The following TRIM66 variants were observed in gnomAD, a reference collection of about 807,000 sequenced individuals.
TRIM66 encodes the protein tripartite motif containing 66.
A neutral mutation model predicts 148.2 loss-of-function variants in TRIM66; 99 were observed. The observed-to-expected ratio is 0.67, with a 90% CI of 0.57 to 0.79. The LOEUF (loss-of-function observed/expected upper bound fraction) is 0.79. Among genes scored for constraint, TRIM66 ranks in the 30% least tolerant of loss-of-function variants. The pLI is 0.00. For synonymous variants in TRIM66, 616 were observed against 635.9 expected (o/e 0.97, Z 0.47); for missense variants, 1,666 against 1,697.9 (o/e 0.98, Z 0.33).
intron 3 of TRIM66, among the ~76,000 whole-genome samples, chr11:8,675,671 C>G (rs181419662): frequency 2.6e-5 from 4 of 152,252 alleles, no homozygotes; most frequent in Admixed American, 1.3e-4. Context: ...CATGAGCCAT[C>G]GCACCCGGCC....
At chr11:8,668,949 A>C (rs1470268181) in intron 6 of TRIM66, among the ~76,000 whole-genome samples, 1 of 152,252 alleles carries the variant, frequency 6.6e-6, no homozygotes, top group African/African-American at 2.4e-5. Flanking sequence ...CCAGCCTTTG[A>C]AGTTACACAG....
intron 6 of TRIM66, 190 bp downstream of exon 6, chr11:8,671,596 C>A: frequency 1.8e-6 from 1 of 569,642 alleles, no homozygotes; most frequent in Non-Finnish European, 3.1e-6. Flanking sequence ...TTCCAGCTTA[C>A]AAAACAGATA....
intron 10 of TRIM66, among the ~76,000 whole-genome samples, chr11:8,647,744 G>T (rs901909393): frequency 1.3e-5 from 2 of 152,114 alleles, no homozygotes; most frequent in Non-Finnish European, 2.9e-5. Flanking sequence ...GACTCACTCT[G>T]ATCATCCTGA....
At chr11:8,634,905 G>C (rs912906195) in intron 15 of TRIM66, among the ~76,000 whole-genome samples, 1 of 152,222 alleles carries the variant, frequency 6.6e-6, no homozygotes, top group Non-Finnish European at 1.5e-5. Flanking sequence ...ATGACCTTCA[G>C]ATAGATTCTT....
In TRIM66 at chr11:8,612,450, C is replaced by A. The variant is rs1388418662; in HGVS notation, c.*5494G>T. On this transcript the variant is annotated 3_prime_UTR_variant, in exon 25 of 25. Coordinates refer to ENST00000646038, the MANE Select transcript of TRIM66 (RefSeq NM_001388022.1). ...ATCACTGTTCTCAGCCATTCTCCCACCACAACTTTATAGATGAGGAAACTG... is the reference window on the plus strand; with the variant it reads ...ATCACTGTTCTCAGCCATTCTCCCAACACAACTTTATAGATGAGGAAACTG... 6.6e-6 allele frequency: 1 copy of A among 152,200 alleles called. No homozygotes were observed. Among genetic ancestry groups the A allele is most frequent in the Non-Finnish European group, 1.5e-5 (1 of 68,048 alleles). 9.4% of individuals were successfully genotyped at this position (152,200 alleles called of 1,614,324 possible).
chr11:8,627,820 A>G (rs2034998483), intron 15 of TRIM66, among the ~76,000 whole-genome samples: 1 of 152,108 alleles, frequency 6.6e-6, no homozygotes, highest in African/African-American at 2.4e-5. Context: ...ATCCATGAAT[A>G]GTAAGTTTTT....
At position 8,621,818 on chromosome 11, in the gene TRIM66, C is replaced by T. The variant is rs771420880; in HGVS notation, c.3082G>A (p.Ala1028Thr). The T allele has an allele frequency of 4.5e-6, 7 of 1,539,770 alleles. No individual in the cohort carries two copies. Among genetic ancestry groups the T allele is most frequent in the Non-Finnish European group, 8.8e-7 (1 of 1,142,630 alleles). ...GGAATCTTATGCTCACTATTGAAGG[C>T]TCTGCAGCAAGACAGACACCCCGGG... Reference protein sequence around the residue: ...LDAKENQSIRAFNSEHKIPYV... With the variant: ...LDAKENQSIRTFNSEHKIPYV... Residue 1028 changes from alanine (A) to threonine (T), a missense_variant and splice_region_variant, in exon 19 of 25, where the codon GCC becomes ACC. Ala to Thr is a moderately conservative substitution (Grantham distance 58). Transcript: ENST00000646038.
At chr11:8,683,219 G>T, upstream of TRIM66, 1 of 1,614,262 alleles carries the variant, frequency 6.2e-7, no homozygotes. Flanking sequence ...GACTGAGGAA[G>T]ACCCGGAAAC....
Position 8,616,469 on chromosome 11 carries a change from G to A in TRIM66, c.*1475C>T, listed in dbSNP as rs911477931. ...GAGAGCTGTCTCAGTCCTGGCCACTGACATGTCAGGTTCATAGCTCCCCCA... is the reference window on the plus strand; with the variant it reads ...GAGAGCTGTCTCAGTCCTGGCCACTAACATGTCAGGTTCATAGCTCCCCCA... On this transcript the variant is annotated 3_prime_UTR_variant, in exon 25 of 25. Transcript: ENST00000646038. The A allele has an allele frequency of 8.5e-5, 13 of 152,208 alleles. No homozygotes were observed. Among genetic ancestry groups the A allele is most frequent in the African/African-American group, 2.9e-4 (12 of 41,436 alleles). The allele number at this position is 152,208 out of a possible 1,614,324, so 9.4% of individuals were successfully genotyped here.
chr11:8,628,612 CAAAAAAAA>C (rs750649249), intron 15 of TRIM66, among the ~76,000 whole-genome samples: 2 of 80,666 alleles, frequency 2.5e-5, no homozygotes, highest in South Asian at 9.9e-4. Context: ...GACCCTGTCT[CAAAAAAAA>C]AAAAAAAAAA....
In TRIM66 at chr11:8,619,400, A is replaced by C; in HGVS notation, c.3883T>G (p.Cys1295Gly). ...AGACATACATAATTGAACTTAGCACAGTTCCAGAACATGAGGCGCACATCT... is the reference window on the plus strand; with the variant it reads ...AGACATACATAATTGAACTTAGCACCGTTCCAGAACATGAGGCGCACATCT... ...VSDVRLMFWN[C>G]AKFNYPDSEV... The change falls in exon 23 of 25, where the codon TGT becomes GGT. Residue 1295 changes from cysteine to glycine, a missense_variant. Around this residue, in one of 3 missense-constraint regions of TRIM66, gnomAD observed 204 missense variants for 231.0 expected, o/e 0.88. Coordinates refer to ENST00000646038, the MANE Select transcript of TRIM66 (RefSeq NM_001388022.1). 6.6e-7 allele frequency: 1 copy of C among 1,520,666 alleles called. No individual in the cohort carries two copies. Among genetic ancestry groups the C allele is most frequent in the Non-Finnish European group, 8.8e-7 (1 of 1,135,146 alleles). 94.2% of individuals were successfully genotyped at this position (1,520,666 alleles called of 1,614,324 possible).
intron 3 of TRIM66, chr11:8,678,244 GAATAC>G (rs1245981958): frequency 5.9e-5 from 9 of 151,866 alleles, no homozygotes; most frequent in Non-Finnish European, 1.2e-4. Context: ...TAACAGCAAA[GAATAC>G]AATAAGAATT....
intron 6 of TRIM66, among the ~76,000 whole-genome samples, chr11:8,663,721 C>T (rs2038410392): frequency 6.6e-6 from 1 of 151,974 alleles, no homozygotes; most frequent in Non-Finnish European, 1.5e-5. Flanking sequence ...ATAGCCAGGA[C>T]AGGGAATCAA....
chr11:8,618,441 A>C lies in TRIM66; in HGVS notation c.4119+309T>G, dbSNP rs2033881246. On this transcript the variant is annotated intron_variant, in intron 24 of 24. Coordinates refer to ENST00000646038, the MANE Select transcript of TRIM66 (RefSeq NM_001388022.1). ...CCCTTCTTAGGGGCATCACAATCAC[A>C]GTGTGGAGTAACCAGCACCAAACTG... Among the ~76,000 whole-genome samples, 4 of 152,184 alleles carry C rather than the reference A, an allele frequency of 2.6e-5. No homozygotes were observed. The South Asian group carries it at 8.3e-4, about 31-fold the overall frequency.
intron 6 of TRIM66, among the ~76,000 whole-genome samples, chr11:8,659,511 G>A (rs2038101521): frequency 6.6e-6 from 1 of 152,194 alleles, no homozygotes; most frequent in South Asian, 2.1e-4. Flanking sequence ...GTAACAGGAG[G>A]AAGAGAGCAG....
chr11:8,649,782 G>C lies in TRIM66; in HGVS notation c.550C>G (p.Pro184Ala). The change falls in exon 8 of 25, where the codon CCC (proline) becomes GCC (alanine). Residue 184 changes from proline (P) to alanine (A), a missense_variant. Transcript: ENST00000646038. ...CTEEHRHSPV[P>A]GGPFFPRAQK... Reference sequence around the variant, plus strand: ...GCCCGAGGAAAGAATGGGCCCCCGGGGACAGGGCTGTGTCGGTGTTCCTCT... The same window carrying C: ...GCCCGAGGAAAGAATGGGCCCCCGGCGACAGGGCTGTGTCGGTGTTCCTCT... The C allele has an allele frequency of 6.4e-7, 1 of 1,551,672 alleles. No individual in the cohort carries two copies. The highest frequency in any genetic ancestry group is 8.7e-7 in the Non-Finnish European group (1 of 1,147,008).
chr11:8,616,284 A>G lies in TRIM66; in HGVS notation c.*1660T>C, dbSNP rs2033714968. On this transcript the variant is annotated 3_prime_UTR_variant, in exon 25 of 25. Transcript: ENST00000646038. Reference sequence around the variant, plus strand: ...TTGGGTAGAGAAGGAAATGAGCAATACCATCAACTCACAAAGAGAGAAGAA... The same window carrying G: ...TTGGGTAGAGAAGGAAATGAGCAATGCCATCAACTCACAAAGAGAGAAGAA... 1 of 152,250 alleles carries G rather than the reference A, an allele frequency of 6.6e-6. No individual in the cohort carries two copies. Among genetic ancestry groups the G allele is most frequent in the Non-Finnish European group, 1.5e-5 (1 of 68,042 alleles). 9.4% of individuals were successfully genotyped at this position (152,250 alleles called of 1,614,324 possible).
In TRIM66 at chr11:8,643,129, G is replaced by A. The variant is rs995504525; in HGVS notation, c.1105-3C>T. The A allele has an allele frequency of 5.2e-6, 8 of 1,549,872 alleles. No homozygotes were observed. Among genetic ancestry groups the A allele is most frequent in the Non-Finnish European group, 7.0e-6 (8 of 1,146,150 alleles). On this transcript the variant is annotated splice_region_variant and splice_polypyrimidine_tract_variant and intron_variant, in intron 12 of 24. Transcript: ENST00000646038. Reference sequence around the variant, plus strand: ...AATCGCTGCATCTGAAACACAATCTGACAACAGCACCAAAGGTCATTTATT... The same window carrying A: ...AATCGCTGCATCTGAAACACAATCTAACAACAGCACCAAAGGTCATTTATT...
At chr11:8,677,624 CA>C (rs140592806) in intron 3 of TRIM66, among the ~76,000 whole-genome samples, 5,051 of 151,650 alleles carry the variant, frequency 0.033, 256 homozygotes, top group African/African-American at 0.11. Flanking sequence ...AAAACAACAA[CA>C]AAAAAAACAG....
Sources: allele counts gnomAD v4.1 joint callset (sites outside exome capture counted in the v4.1 genomes callset), GRCh38; gene constraint gnomAD v4.1.1; regional missense constraint gnomAD v4.1.1; transcripts MANE v1.5; gene names NCBI Gene and HGNC (gene_info 2026-07-23, HGNC 2026-07-21).